Variants in ALCAM observed in about 807,000 individuals in gnomAD.
ALCAM encodes CD166 antigen.
A neutral mutation model predicts 70.9 loss-of-function variants in ALCAM; 30 were observed. That is an observed-to-expected ratio of 0.42 (90% CI 0.32 to 0.57). The LOEUF is 0.57. Ranked by LOEUF, ALCAM falls within the 20% of genes least tolerant of loss-of-function variation. The pLI is 0.11. For synonymous variants in ALCAM, 249 were observed against 242.5 expected (o/e 1.03, Z -0.25); for missense variants, 591 against 695.1 (o/e 0.85, Z 1.68).
chr3:105,571,223 G>C (rs1940854657), intron 14 of ALCAM, among the ~76,000 whole-genome samples: 1 of 152,118 alleles, frequency 6.6e-6, no homozygotes, highest in Admixed American at 6.5e-5. Context: ...TTCTGGTATA[G>C]GGCCCGAGAA....
chr3:105,376,615 GAT>G (rs1459075263), intron 1 of ALCAM, among the ~76,000 whole-genome samples: 1 of 152,192 alleles, frequency 6.6e-6, no homozygotes, highest in Non-Finnish European at 1.5e-5. Context: ...CAGGGAAACA[GAT>G]ATCAATTAAT....
chr3:105,484,745 C>T (rs137983736), intron 1 of ALCAM, among the ~76,000 whole-genome samples: 110 of 152,070 alleles, frequency 7.2e-4, no homozygotes, highest in African/African-American at 2.5e-3. Flanking sequence ...GATAATTATC[C>T]CCATTTGCTC....
chr3:105,493,819 T>C (rs190445405), intron 1 of ALCAM, among the ~76,000 whole-genome samples: 11 of 152,284 alleles, frequency 7.2e-5, no homozygotes, highest in African/African-American at 2.6e-4. Flanking sequence ...ACAACAGCAA[T>C]GAAAATTTCT....
At chr3:105,487,183 G>T (rs1198398036) in intron 1 of ALCAM, among the ~76,000 whole-genome samples, 1 of 152,000 alleles carries the variant, frequency 6.6e-6, no homozygotes, top group Admixed American at 6.6e-5. Context: ...AAATTCTGGG[G>T]TCTGTTGTCA....
At chr3:105,497,091 G>T (rs931389238) in intron 1 of ALCAM, among the ~76,000 whole-genome samples, 1 of 151,990 alleles carries the variant, frequency 6.6e-6, no homozygotes, top group Non-Finnish European at 1.5e-5. Context: ...TTAAGGAAAA[G>T]AATTCATATA....
chr3:105,492,558 A>T lies in ALCAM; in HGVS notation c.74-27509A>T, dbSNP rs150051612. Among the ~76,000 whole-genome samples, 919 of 152,326 alleles carry T rather than the reference A, an allele frequency of 6.0e-3. 11 individuals are homozygous for T. Among genetic ancestry groups the T allele is most frequent in the African/African-American group, 0.021 (872 of 41,572 alleles). ...ATTTAAATTTTATTTGCAAGATATC[A>T]TTAGTCTGTGCTTATTTCCATCTAG... is the stretch of plus-strand genomic sequence containing the variant. On this transcript the variant is annotated intron_variant, in intron 1 of 15. Coordinates refer to ENST00000306107, the MANE Select transcript of ALCAM (RefSeq NM_001627.4).
At position 105,444,447 on chromosome 3, in the gene ALCAM, C is replaced by T. The variant is rs114548690; in HGVS notation, c.74-75620C>T. Among the ~76,000 whole-genome samples, 729 of 152,192 alleles carry T rather than the reference C, an allele frequency of 4.8e-3. 8 individuals are homozygous for T. The highest frequency in any genetic ancestry group is 0.017 in the African/African-American group (704 of 41,534). On this transcript the variant is annotated intron_variant, in intron 1 of 15. Transcript: ENST00000306107. The stretch of plus-strand genomic sequence containing the variant: ...CACAAGAACAGCATGGGAGAAACCA[C>T]CCCCATGATACAATCACTGCCCACT...
intron 14 of ALCAM, among the ~76,000 whole-genome samples, chr3:105,555,010 A>G (rs1286837574): frequency 6.6e-6 from 1 of 151,980 alleles, no homozygotes; most frequent in Non-Finnish European, 1.5e-5. Context: ...CCCAACATCC[A>G]GTATCTCATC....
intron 1 of ALCAM, among the ~76,000 whole-genome samples, chr3:105,435,358 T>A (rs1163926324): frequency 6.6e-6 from 1 of 152,194 alleles, no homozygotes; most frequent in Non-Finnish European, 1.5e-5. Context: ...TGAATTTAAA[T>A]CCGAGTACTT....
chr3:105,462,794 G>A (rs990763695), intron 1 of ALCAM, among the ~76,000 whole-genome samples: 2 of 151,364 alleles, frequency 1.3e-5, no homozygotes, highest in African/African-American at 2.4e-5. Context: ...GACTGAATAC[G>A]ATATATGTAC....
At chr3:105,428,616 A>G (rs1012196070) in intron 1 of ALCAM, among the ~76,000 whole-genome samples, 1 of 151,962 alleles carries the variant, frequency 6.6e-6, no homozygotes, top group African/African-American at 2.4e-5. Flanking sequence ...GTATTTCAGA[A>G]TTGTCACTTT....
chr3:105,545,812 C>A (rs1022747033), intron 9 of ALCAM, among the ~76,000 whole-genome samples: 1 of 151,404 alleles, frequency 6.6e-6, no homozygotes, highest in African/African-American at 2.4e-5. Context: ...CCAGACCTTA[C>A]TGAGTATGAA....
At chr3:105,444,980 C>T (rs1183845174) in intron 1 of ALCAM, among the ~76,000 whole-genome samples, 1 of 152,108 alleles carries the variant, frequency 6.6e-6, no homozygotes, top group African/African-American at 2.4e-5. Flanking sequence ...AACAGTTTAT[C>T]TGATGTATGA....
At chr3:105,520,367 C>A (rs1055395372) in intron 2 of ALCAM, among the ~76,000 whole-genome samples, 200 bp downstream of exon 2, 5 of 151,976 alleles carry the variant, frequency 3.3e-5, no homozygotes, top group Non-Finnish European at 7.4e-5. Flanking sequence ...AAAATAAAGC[C>A]AATAAACACA....
intron 1 of ALCAM, among the ~76,000 whole-genome samples, chr3:105,500,844 C>G (rs994115652): frequency 3.3e-5 from 5 of 152,124 alleles, no homozygotes; most frequent in African/African-American, 1.2e-4. Context: ...AGGGCAATAA[C>G]AGAAATATTT....
chr3:105,503,271 A>G (rs1333906220), intron 1 of ALCAM, among the ~76,000 whole-genome samples: 1 of 152,240 alleles, frequency 6.6e-6, no homozygotes, highest in African/African-American at 2.4e-5. Context: ...ACAAAAAGAC[A>G]GCTTTCCTAT....
At chr3:105,497,523 A>T (rs1246277787) in intron 1 of ALCAM, among the ~76,000 whole-genome samples, 1 of 152,180 alleles carries the variant, frequency 6.6e-6, no homozygotes, top group Non-Finnish European at 1.5e-5. Flanking sequence ...AAAATAAATG[A>T]GCTTGGATAG....
Position 105,367,015 on chromosome 3 carries a change from C to T in ALCAM, c.-394C>T, listed in dbSNP as rs138206557. 1.8e-3 allele frequency: 299 copies of T among 170,628 alleles called. 1 individual carries two copies. Among genetic ancestry groups the T allele is most frequent in the Non-Finnish European group, 2.8e-3 (216 of 77,736 alleles). The allele number at this position is 170,628 out of a possible 1,614,324, so 10.6% of individuals were successfully genotyped here. On this transcript the variant is annotated 5_prime_UTR_variant, in exon 1 of 16. Transcript: ENST00000306107. ...GCCTCCTGCGAGTCCTTCTTAGCAC[C>T]TGGCGTTTCATGCACATTGCCACTG... is the stretch of plus-strand genomic sequence containing the variant.
intron 1 of ALCAM, among the ~76,000 whole-genome samples, chr3:105,451,740 T>C (rs1467387894): frequency 6.6e-6 from 1 of 152,240 alleles, no homozygotes; most frequent in Non-Finnish European, 1.5e-5. Context: ...TGAAGAGGCA[T>C]TAATAAATCC....
Sources: allele counts gnomAD v4.1 joint callset (sites outside exome capture counted in the v4.1 genomes callset), GRCh38; gene constraint gnomAD v4.1.1; transcripts MANE v1.5; gene names NCBI Gene and HGNC (gene_info 2026-07-23, HGNC 2026-07-21).